Variants in ZFP64 observed in about 807,000 individuals in gnomAD.
ZFP64 encodes the protein zinc finger protein 64.
A neutral mutation model predicts 51.6 loss-of-function variants in ZFP64; 14 were observed. That is an observed-to-expected ratio of 0.27 (90% CI 0.18 to 0.42). ZFP64 has a LOEUF of 0.42. ZFP64 is among the 10% of genes least tolerant of loss of function. The pLI, the probability that ZFP64 is intolerant of heterozygous loss-of-function variation, is 1.00. For synonymous variants in ZFP64, 375 were observed against 361.4 expected (o/e 1.04, Z -0.43); for missense variants, 754 against 906.8 (o/e 0.83, Z 2.16).
chr20:52,131,384 C>G (rs1049523501), intron 5 of ZFP64, among the ~76,000 whole-genome samples: 3 of 151,980 alleles, frequency 2.0e-5, no homozygotes, highest in African/African-American at 7.2e-5. Context: ...AATAATATAA[C>G]ATTGAATGTA....
At chr20:52,145,245 G>T (rs375114280) in intron 5 of ZFP64, among the ~76,000 whole-genome samples, 20 of 152,356 alleles carry the variant, frequency 1.3e-4, no homozygotes, top group African/African-American at 4.3e-4. Flanking sequence ...GAAATAGGGC[G>T]TAGCCTATGG....
At chr20:52,180,320 T>C (rs1249906054) in intron 2 of ZFP64, among the ~76,000 whole-genome samples, 1 of 152,228 alleles carries the variant, frequency 6.6e-6, no homozygotes, top group Non-Finnish European at 1.5e-5. Flanking sequence ...AATTCACTTC[T>C]CTAATTGACT....
chr20:52,170,026 C>A (rs567845356), intron 2 of ZFP64, among the ~76,000 whole-genome samples: 42 of 151,702 alleles, frequency 2.8e-4, no homozygotes, highest in African/African-American at 7.7e-4. Context: ...GCACTCCAGC[C>A]TGGGCAACAA....
At position 52,169,371 on chromosome 20, in the gene ZFP64, G is replaced by C. The variant is rs940885639; in HGVS notation, c.287-3346C>G. Among the ~76,000 whole-genome samples, 6 of 152,154 alleles carry C rather than the reference G, an allele frequency of 3.9e-5. No homozygotes were observed. The East Asian group carries it at 1.2e-3, about 29-fold the overall frequency. On this transcript the variant is annotated intron_variant, in intron 2 of 5. Coordinates refer to ENST00000216923, the MANE Select transcript of ZFP64 (RefSeq NM_018197.3). ...TTTGGTGCTAAAACCAGGGTGCTGG[G>C]CTATGGTCATACTCCATGGCCTCCC... is the stretch of plus-strand genomic sequence containing the variant.
rs577325692 is a variant in ZFP64 at position 52,084,293 on chromosome 20, G to A, written c.*264C>T. On this transcript the variant is annotated 3_prime_UTR_variant, in exon 9 of 9. Transcript: ENST00000361387. The stretch of plus-strand genomic sequence containing the variant: ...TCCCCATTGGATAGAGCAGGGCTTG[G>A]CAGACCCCGCCTTTGAATGAACAAG... The A allele has an allele frequency of 2.4e-5, 12 of 492,066 alleles. No individual in the cohort carries two copies. The East Asian group carries it at 3.0e-4, about 12-fold the overall frequency. The allele number at this position is 492,066 out of a possible 1,614,324, so 30.5% of individuals were successfully genotyped here. A position where few individuals can be genotyped will look rare whatever the true frequency, so the allele number is the denominator to read the frequency against.
chr20:52,183,540 T>C (rs571510305), intron 2 of ZFP64, among the ~76,000 whole-genome samples: 9 of 152,236 alleles, frequency 5.9e-5, no homozygotes, highest in South Asian at 4.2e-4. Flanking sequence ...AAAGGCAACT[T>C]TGCTTGGTCC....
intron 5 of ZFP64, among the ~76,000 whole-genome samples, chr20:52,127,450 C>G (rs184529880): frequency 2.0e-5 from 3 of 152,242 alleles, no homozygotes; most frequent in African/African-American, 7.2e-5. Flanking sequence ...CTGCTGTTCT[C>G]ATGATAGTGA....
intron 5 of ZFP64, among the ~76,000 whole-genome samples, chr20:52,109,601 A>G (rs1978438600): frequency 6.6e-6 from 1 of 151,992 alleles, no homozygotes; most frequent in Non-Finnish European, 1.5e-5. Context: ...CAACATGTTG[A>G]AACCCCATCT....
At chr20:52,157,209 C>G (rs1981389513) in intron 5 of ZFP64, among the ~76,000 whole-genome samples, 1 of 152,160 alleles carries the variant, frequency 6.6e-6, no homozygotes, top group Non-Finnish European at 1.5e-5. Flanking sequence ...AGTATGTTCT[C>G]TCAGCTGGAC....
Position 52,104,889 on chromosome 20 carries a change from T to C in ZFP64, c.764-6302A>G, listed in dbSNP as rs1423295435. ...CAGCGTGTTTGGGAGGCAAACTCGT[T>C]GACTAGCTCTTGAGAGGAGTGGCTA... is the stretch of plus-strand genomic sequence containing the variant. On this transcript the variant is annotated intron_variant, in intron 5 of 8. Transcript: ENST00000361387. The C allele has an allele frequency of 4.5e-5, 30 of 670,634 alleles. No homozygotes were observed. In the South Asian group the frequency reaches 4.8e-4, roughly 11 times the overall value. 41.5% of individuals were successfully genotyped at this position (670,634 alleles called of 1,614,324 possible).
chr20:52,171,550 C>T (rs1046960153), intron 2 of ZFP64, among the ~76,000 whole-genome samples: 5 of 151,966 alleles, frequency 3.3e-5, no homozygotes, highest in African/African-American at 9.7e-5. Context: ...AGTGCAACGG[C>T]GCCATCTTGG....
chr20:52,120,474 C>T (rs1979125524), intron 5 of ZFP64, among the ~76,000 whole-genome samples: 1 of 152,086 alleles, frequency 6.6e-6, no homozygotes. Context: ...CACTTTATCG[C>T]ACGTCACAGA....
At chr20:52,105,438 C>A (rs991219457) in intron 5 of ZFP64, 65 of 1,148,904 alleles carry the variant, frequency 5.7e-5, no homozygotes, top group Non-Finnish European at 6.9e-5. Flanking sequence ...CGCGGACTTG[C>A]GGTCCGCTCC....
intron 5 of ZFP64, among the ~76,000 whole-genome samples, chr20:52,100,997 G>T (rs2079044259): frequency 6.6e-6 from 1 of 152,110 alleles, no homozygotes; most frequent in Non-Finnish European, 1.5e-5. Context: ...TCAACTGGGG[G>T]CCATTCTACC....
At chr20:52,156,587 G>A (rs1981340065) in intron 5 of ZFP64, among the ~76,000 whole-genome samples, 1 of 152,172 alleles carries the variant, frequency 6.6e-6, no homozygotes, top group Admixed American at 6.5e-5. Context: ...CCCCGCATGG[G>A]AACCAGAAAA....
chr20:52,108,025 AG>A (rs1978355120), intron 5 of ZFP64, among the ~76,000 whole-genome samples: 1 of 152,224 alleles, frequency 6.6e-6, no homozygotes, highest in Non-Finnish European at 1.5e-5. Flanking sequence ...CAGGAGTTTG[AG>A]ACCAGCCTGG....
At chr20:52,155,550 G>C (rs1981248939) in intron 5 of ZFP64, among the ~76,000 whole-genome samples, 1 of 151,968 alleles carries the variant, frequency 6.6e-6, no homozygotes, top group African/African-American at 2.4e-5. Context: ...GCAGAGGTGA[G>C]ACCCAGAAAA....
intron 7 of ZFP64, among the ~76,000 whole-genome samples, chr20:52,092,384 T>G (rs1224224964): frequency 3.9e-5 from 6 of 152,096 alleles, no homozygotes; most frequent in Non-Finnish European, 8.8e-5. Flanking sequence ...GGGGGTGAAA[T>G]CATACCTAGT....
intron 2 of ZFP64, among the ~76,000 whole-genome samples, chr20:52,173,658 C>CT (rs1045102468): frequency 1.7e-4 from 24 of 140,350 alleles, no homozygotes; most frequent in East Asian, 1.7e-3. Flanking sequence ...TTTTTTTTTT[C>CT]TTTTTTTTTG....
Sources: allele counts gnomAD v4.1 joint callset (sites outside exome capture counted in the v4.1 genomes callset), GRCh38; gene constraint gnomAD v4.1.1; transcripts MANE v1.5; gene names NCBI Gene and HGNC (gene_info 2026-07-23, HGNC 2026-07-21).